Variants in CD72 observed in about 807,000 individuals in gnomAD.
CD72 encodes the protein CD72 molecule, also known as B-cell differentiation antigen CD72.
A neutral mutation model predicts 50.7 loss-of-function variants in CD72; 28 were observed. That is an observed-to-expected ratio of 0.55 (90% CI 0.41 to 0.76). The LOEUF is 0.76. CD72 is among the 30% of genes least tolerant of loss of function. The pLI, the probability that CD72 is intolerant of heterozygous loss-of-function variation, is 0.00. For synonymous variants in CD72, 176 were observed against 171.2 expected (o/e 1.03, Z -0.22); for missense variants, 403 against 420.6 (o/e 0.96, Z 0.37).
Position 35,610,594 on chromosome 9 carries a change from A to G in CD72, c.*22+8T>C. The G allele has an allele frequency of 6.2e-7, 1 of 1,606,004 alleles. No individual in the cohort carries two copies. ...TCCCCATGCCTCAGCCCCATCCCTC[A>G]CTCTTACCAACTCAGTGCAAAGGAC... On this transcript the variant is annotated splice_region_variant and intron_variant, in intron 8 of 8. Coordinates refer to ENST00000259633, the MANE Select transcript of CD72 (RefSeq NM_001782.3).
intron 4 of CD72, 142 bp downstream of exon 4, chr9:35,616,458 A>G: frequency 1.2e-6 from 1 of 862,946 alleles, no homozygotes; most frequent in Non-Finnish European, 1.9e-6. Context: ...CAGGAAGACA[A>G]CAGCCCTGGC....
intron 1 of CD72, among the ~76,000 whole-genome samples, chr9:35,638,342 C>T (rs1200637983): frequency 3.9e-5 from 6 of 152,070 alleles, no homozygotes; most frequent in African/African-American, 9.7e-5. Context: ...AGGTCGCTCC[C>T]CACCAGGCTG....
intron 7 of CD72, among the ~76,000 whole-genome samples, chr9:35,611,591 G>A (rs554099404): frequency 2.0e-5 from 3 of 152,192 alleles, no homozygotes; most frequent in Non-Finnish European, 4.4e-5. Context: ...AAACAAAAAA[G>A]TATGTGCCAG....
chr9:35,616,621 C>A lies in CD72; in HGVS notation c.331G>T (p.Ala111Ser). 6.2e-7 allele frequency: 1 copy of A among 1,613,852 alleles called. No homozygotes were observed. The highest frequency in any genetic ancestry group is 2.2e-5 in the East Asian group (1 of 44,872). ...TCACAGCGCACTCCCAGGCAGATGG[C>A]GGTCACTCCTAACAGCAGGCAGGTG... ...LLTCLLLGVT[A>S]ICLGVRYLQV... Residue 111 changes from alanine to serine, a missense_variant, in exon 4 of 9, where the codon GCC becomes TCC. Coordinates refer to ENST00000259633, the MANE Select transcript of CD72 (RefSeq NM_001782.3).
At chr9:35,621,754 A>C (rs1260510022), upstream of CD72, among the ~76,000 whole-genome samples, 1 of 152,228 alleles carries the variant, frequency 6.6e-6, no homozygotes, top group East Asian at 1.9e-4. Flanking sequence ...GAGACGCCAC[A>C]GGAGAAACAC....
chr9:35,642,565 C>T (rs1823350108), intron 1 of CD72: 1 of 152,218 alleles, frequency 6.6e-6, no homozygotes, highest in African/African-American at 2.4e-5. Context: ...GTAAGGACTC[C>T]TAGAGCTATT....
chr9:35,624,565 T>C (rs1460938639), intron 1 of CD72, among the ~76,000 whole-genome samples: 2 of 152,144 alleles, frequency 1.3e-5, no homozygotes, highest in South Asian at 2.1e-4. Context: ...CTGAACCTGA[T>C]TGCCTGATTA....
At chr9:35,632,539 T>TC (rs1823255598) in intron 1 of CD72, among the ~76,000 whole-genome samples, 1 of 151,708 alleles carries the variant, frequency 6.6e-6, no homozygotes, top group African/African-American at 2.4e-5. Context: ...TCTCTCTTTT[T>TC]CCCCCTTTAA....
chr9:35,645,055 C>T lies in CD72; in HGVS notation n.408+1348G>A, dbSNP rs573919673. On this transcript the variant is annotated intron_variant and non_coding_transcript_variant, in intron 1 of 3. Transcript: ENST00000465754. ...CGTTTACTAAAAACACAAAATAAGC[C>T]GGGGGTGGTGGAGCATGCCTGTATT... 2.1e-4 allele frequency among the ~76,000 whole-genome samples: 32 copies of T among 150,912 alleles called. 1 individual carries two copies. In the South Asian group the frequency reaches 6.3e-3, roughly 30 times the overall value.
At chr9:35,615,025 G>T (rs765386527) in intron 5 of CD72, among the ~76,000 whole-genome samples, 1 of 152,120 alleles carries the variant, frequency 6.6e-6, no homozygotes, top group African/African-American at 2.4e-5. Context: ...TCAAAAAAGT[G>T]TGGGGAAAAC....
At chr9:35,623,738 G>A (rs573608166), upstream of CD72, among the ~76,000 whole-genome samples, 8 of 152,220 alleles carry the variant, frequency 5.3e-5, no homozygotes, top group African/African-American at 1.7e-4. Context: ...CCAACATGGC[G>A]AAACCCCGTC....
At chr9:35,630,036 C>CTT (rs35481553) in intron 1 of CD72, among the ~76,000 whole-genome samples, 58,795 of 128,866 alleles carry the variant, frequency 0.46, 15,173 homozygotes, top group South Asian at 0.58. Context: ...AATTTCTTTT[C>CTT]TTTTTTTTTT....
chr9:35,645,783 T>A (rs1455467830), intron 1 of CD72, among the ~76,000 whole-genome samples: 1 of 152,162 alleles, frequency 6.6e-6, no homozygotes, highest in Non-Finnish European at 1.5e-5. Flanking sequence ...TAAACCCATC[T>A]TTGAGAGACT....
chr9:35,615,221 T>C (rs1823047085), intron 5 of CD72, among the ~76,000 whole-genome samples: 1 of 152,148 alleles, frequency 6.6e-6, no homozygotes, highest in Non-Finnish European at 1.5e-5. Context: ...CTTGCTGTCT[T>C]ATGCCTGGGG....
rs1201509072 is a variant in CD72, at chr9:35,611,816, GTA to G, written c.936_937del (p.Gln314ThrfsTer3). ...CTAACAAACTTACCTAGTGCGTTGT[GTA>G]TCATCAGTCAACTTCCAATCCTTGT... is the stretch of plus-strand genomic sequence containing the variant. On this transcript the variant is annotated frameshift_variant, in exon 7 of 9. Transcript: ENST00000259633. LOFTEE classifies it high-confidence loss of function. 6.3e-7 allele frequency: 1 copy of G among 1,588,894 alleles called. No homozygotes were observed. The highest frequency in any genetic ancestry group is 2.2e-5 in the East Asian group (1 of 44,768).
chr9:35,634,644 C>T (rs1823273862), intron 1 of CD72, among the ~76,000 whole-genome samples: 1 of 152,172 alleles, frequency 6.6e-6, no homozygotes, highest in African/African-American at 2.4e-5. Flanking sequence ...TGAGCCACCG[C>T]GGCTGGCCAA....
intron 1 of CD72, among the ~76,000 whole-genome samples, chr9:35,640,910 T>C (rs1359099196): frequency 1.3e-5 from 2 of 152,266 alleles, no homozygotes; most frequent in African/African-American, 4.8e-5. Flanking sequence ...GCTATTTCTT[T>C]ACCTCCTGTT....
At chr9:35,615,614 A>G (rs1397035152) in intron 5 of CD72, among the ~76,000 whole-genome samples, 1 of 151,844 alleles carries the variant, frequency 6.6e-6, no homozygotes, top group Non-Finnish European at 1.5e-5. Context: ...GCAAACCGCC[A>G]AGTTCACATC....
intron 4 of CD72, 36 bp from the exon 5 acceptor site, chr9:35,616,314 C>T: frequency 1.3e-6 from 2 of 1,530,806 alleles, no homozygotes; most frequent in Non-Finnish European, 1.8e-6. Context: ...ATGTCTTCTC[C>T]AGCCCTGCCC....
Sources: gnomAD v4.1 joint callset for allele counts (sites outside exome capture counted in the v4.1 genomes callset) on GRCh38, gnomAD v4.1.1 for gene constraint, MANE v1.5 for transcripts, NCBI Gene and HGNC (gene_info 2026-07-23, HGNC 2026-07-21) for gene names.